The following PTPRD variants were observed in gnomAD, a reference collection of about 807,000 sequenced individuals.
PTPRD encodes protein tyrosine phosphatase receptor type D, also known as receptor-type tyrosine-protein phosphatase delta.
In PTPRD, 34 loss-of-function variants were observed where a neutral mutation model predicts 214.5. The observed-to-expected ratio is 0.16, with a 90% confidence interval of 0.12 to 0.21. PTPRD has a LOEUF of 0.21. PTPRD is among the 10% of genes least tolerant of loss of function. The pLI is 1.00. For synonymous variants in PTPRD, 1,128 were observed against 845.7 expected (o/e 1.33, Z -5.79); for missense variants, 2,545 against 2,398.7 (o/e 1.06, Z -1.27).
chr9:8,476,965 T>A (rs534972879), intron 30 of PTPRD, among the ~76,000 whole-genome samples: 85 of 152,326 alleles, frequency 5.6e-4, no homozygotes, highest in African/African-American at 1.9e-3. Context: ...CAAACGTTCT[T>A]TTCTTTACTG....
At chr9:9,637,292 A>G (rs1233262767) in intron 7 of PTPRD, among the ~76,000 whole-genome samples, 1 of 152,216 alleles carries the variant, frequency 6.6e-6, no homozygotes, top group Non-Finnish European at 1.5e-5. Context: ...AGTTTCATTT[A>G]AATATCAAAT....
intron 10 of PTPRD, among the ~76,000 whole-genome samples, chr9:9,105,289 T>A (rs2099796930): frequency 6.6e-6 from 1 of 152,004 alleles, no homozygotes. Context: ...TCACTAAGCC[T>A]TTCATACCTC....
At chr9:10,120,494 T>C (rs1462899846) in intron 3 of PTPRD, among the ~76,000 whole-genome samples, 2 of 152,052 alleles carry the variant, frequency 1.3e-5, no homozygotes, top group East Asian at 1.9e-4. Flanking sequence ...TCTTTCATTG[T>C]AATTATTACA....
chr9:9,282,051 G>A (rs943682587), intron 9 of PTPRD, among the ~76,000 whole-genome samples: 3 of 151,214 alleles, frequency 2.0e-5, no homozygotes, highest in African/African-American at 7.3e-5. Flanking sequence ...ATTTCTAGAA[G>A]AGACAAAGTA....
chr9:9,998,125 A>ATATATATATATATATATATATATATAT (rs1286206158), intron 4 of PTPRD, among the ~76,000 whole-genome samples: 29 of 48,468 alleles, frequency 6.0e-4, no homozygotes, highest in African/African-American at 2.5e-3. Context: ...TAAAAAAAAA[A>ATATATATATATATATATATATATATAT]AAAAATATAT....
intron 37 of PTPRD, among the ~76,000 whole-genome samples, 157 bp downstream of exon 37, chr9:8,389,075 A>T (rs1319927640): frequency 6.6e-6 from 1 of 151,636 alleles, no homozygotes; most frequent in African/African-American, 2.4e-5. Context: ...AGTTTTAAAG[A>T]ATGGTTTAAT....
intron 11 of PTPRD, among the ~76,000 whole-genome samples, chr9:8,812,446 C>T (rs187761790): frequency 6.6e-6 from 1 of 152,286 alleles, no homozygotes; most frequent in African/African-American, 2.4e-5. Flanking sequence ...CTTTGGTAAA[C>T]TTATATCCAT....
intron 4 of PTPRD, among the ~76,000 whole-genome samples, chr9:9,996,890 T>C (rs1236192290): frequency 6.6e-6 from 1 of 152,202 alleles, no homozygotes. Flanking sequence ...AGAGTTGGCA[T>C]ATTTATATTA....
intron 39 of PTPRD, 43 bp from the exon 40 acceptor site, chr9:8,342,021 G>T (rs187948825): frequency 6.6e-7 from 1 of 1,522,896 alleles, no homozygotes; most frequent in South Asian, 1.3e-5. Flanking sequence ...AAACCTATCA[G>T]AAAATCAATA....
chr9:8,450,652 C>A (rs2095901292), intron 33 of PTPRD, among the ~76,000 whole-genome samples: 1 of 152,178 alleles, frequency 6.6e-6, no homozygotes, highest in African/African-American at 2.4e-5. Context: ...AAGCTATCTA[C>A]TAGCTTTATT....
intron 10 of PTPRD, among the ~76,000 whole-genome samples, chr9:9,165,114 A>G (rs1211871650): frequency 1.3e-5 from 2 of 152,152 alleles, no homozygotes; most frequent in East Asian, 1.9e-4. Flanking sequence ...AATTCATTCA[A>G]TAAACATTTA....
chr9:9,244,846 G>A (rs1264319395), intron 9 of PTPRD, among the ~76,000 whole-genome samples: 2 of 152,046 alleles, frequency 1.3e-5, no homozygotes, highest in African/African-American at 4.8e-5. Context: ...AGAGTGAACA[G>A]GCAACCTACA....
At chr9:9,662,619 T>C (rs1357614589) in intron 7 of PTPRD, among the ~76,000 whole-genome samples, 2 of 151,670 alleles carry the variant, frequency 1.3e-5, no homozygotes, top group African/African-American at 2.4e-5. Context: ...TTTCTATTAA[T>C]ACTTCGATAG....
chr9:10,122,449 G>A (rs2098783659), intron 3 of PTPRD, among the ~76,000 whole-genome samples: 1 of 152,132 alleles, frequency 6.6e-6, no homozygotes, highest in Non-Finnish European at 1.5e-5. Flanking sequence ...GGGCTACCGT[G>A]GGAAAGTATG....
intron 9 of PTPRD, among the ~76,000 whole-genome samples, chr9:9,275,364 T>G (rs1369954757): frequency 6.7e-6 from 1 of 148,928 alleles, no homozygotes; most frequent in Non-Finnish European, 1.5e-5. Flanking sequence ...TAAAATGTCC[T>G]TTGTGTATGT....
chr9:8,847,222 T>C (rs975876154), intron 11 of PTPRD, among the ~76,000 whole-genome samples: 2 of 152,132 alleles, frequency 1.3e-5, no homozygotes, highest in Non-Finnish European at 2.9e-5. Context: ...GTCTGTTAAA[T>C]AGTAAAAGTC....
chr9:8,354,297 A>C (rs12002243), intron 39 of PTPRD, among the ~76,000 whole-genome samples: 1,590 of 152,252 alleles, frequency 0.01, 20 homozygotes, highest in African/African-American at 0.037. Context: ...AAGAAGTAAC[A>C]GCAAAATAAA....
intron 8 of PTPRD, among the ~76,000 whole-genome samples, chr9:9,434,484 T>A (rs74975183): frequency 6.6e-6 from 1 of 152,196 alleles, no homozygotes; most frequent in Non-Finnish European, 1.5e-5. Flanking sequence ...AATATGCCAA[T>A]GACAATACCA....
chr9:10,602,439 T>C (rs1250522600), intron 2 of PTPRD, among the ~76,000 whole-genome samples: 1 of 151,812 alleles, frequency 6.6e-6, no homozygotes, highest in Non-Finnish European at 1.5e-5. Context: ...ATTTGATGAA[T>C]ATGGAGATAA....
Sources: gnomAD v4.1 joint callset for allele counts (sites outside exome capture counted in the v4.1 genomes callset) on GRCh38, gnomAD v4.1.1 for gene constraint, MANE v1.5 for transcripts, NCBI Gene and HGNC (gene_info 2026-07-23, HGNC 2026-07-21) for gene names.